LRP11: variants seen among roughly 807,000 people sequenced by gnomAD.
LRP11 encodes the protein LDL receptor related protein 11.
Under a neutral mutation model 43.1 loss-of-function variants are expected in LRP11, and 25 were observed. That is an observed-to-expected ratio of 0.58 (90% CI 0.42 to 0.81). The LOEUF is 0.81. Among genes scored for constraint, LRP11 ranks in the 30% least tolerant of loss-of-function variants. LRP11 has a pLI of 0.00. For synonymous variants in LRP11, 316 were observed against 299.4 expected (o/e 1.06, Z -0.57); for missense variants, 623 against 665.1 (o/e 0.94, Z 0.70).
At position 149,836,068 on chromosome 6, in the gene LRP11, C is replaced by A. The variant is rs770509485; in HGVS notation, c.1252+17G>T. ...GAAAACAAGGTTCTTCATTGAGAAC[C>A]CACCGTGAATCCTTACCTGGCATCA... is the stretch of plus-strand genomic sequence containing the variant. On this transcript the variant is annotated intron_variant, in intron 5 of 6. Transcript: ENST00000239367. 3.7e-6 allele frequency: 6 copies of A among 1,608,340 alleles called. No homozygotes were observed. The highest frequency in any genetic ancestry group is 5.1e-6 in the Non-Finnish European group (6 of 1,174,870).
chr6:149,829,181 G>A (rs1776376673), intron 5 of LRP11, among the ~76,000 whole-genome samples: 1 of 152,120 alleles, frequency 6.6e-6, no homozygotes, highest in African/African-American at 2.4e-5. Context: ...GAACTTCTAT[G>A]CATTCTGCTT....
intron 3 of LRP11, among the ~76,000 whole-genome samples, chr6:149,840,012 A>T (rs1029210815): frequency 9.9e-5 from 15 of 152,226 alleles, no homozygotes; most frequent in African/African-American, 3.4e-4. Context: ...GAGTTAGATC[A>T]TGTTGGAAGA....
chr6:149,846,951 A>AAGCGAG (rs1776642190), intron 2 of LRP11, among the ~76,000 whole-genome samples: 3 of 80,374 alleles, frequency 3.7e-5, no homozygotes, highest in Non-Finnish European at 5.6e-5. Flanking sequence ...AATAAAATAA[A>AAGCGAG]ATAATAGAAT....
At chr6:149,837,051 A>G (rs188495195) in intron 4 of LRP11, among the ~76,000 whole-genome samples, 16 of 152,264 alleles carry the variant, frequency 1.1e-4, no homozygotes, top group Admixed American at 7.2e-4. Context: ...CAAAGCATCA[A>G]ATCACTGCAG....
chr6:149,838,809 T>C (rs959124728), intron 3 of LRP11, among the ~76,000 whole-genome samples: 6 of 152,134 alleles, frequency 3.9e-5, no homozygotes, highest in African/African-American at 1.4e-4. Context: ...CCCTCTCCCT[T>C]GATTAAGCCA....
chr6:149,851,145 C>T (rs549202957), intron 2 of LRP11, among the ~76,000 whole-genome samples: 1 of 152,274 alleles, frequency 6.6e-6, no homozygotes, highest in East Asian at 1.9e-4. Context: ...GGTCTACCTG[C>T]CGTCACTGTT....
intron 6 of LRP11, among the ~76,000 whole-genome samples, chr6:149,824,130 T>C (rs1776310297): frequency 6.6e-6 from 1 of 152,202 alleles, no homozygotes; most frequent in South Asian, 2.1e-4. Flanking sequence ...TCATTTCTCA[T>C]GAATTGGACC....
At chr6:149,861,124 T>A (rs888991717) in intron 1 of LRP11, among the ~76,000 whole-genome samples, 9 of 152,162 alleles carry the variant, frequency 5.9e-5, no homozygotes, top group East Asian at 3.9e-4. Flanking sequence ...CCAAGGGCTC[T>A]TCTAAACCAT....
intron 2 of LRP11, among the ~76,000 whole-genome samples, chr6:149,849,431 G>A (rs116640439): frequency 0.011 from 1,669 of 152,260 alleles, 29 homozygotes; most frequent in African/African-American, 0.036. Context: ...TAGCCTCTTG[G>A]TTCTGACCAA....
intron 1 of LRP11, among the ~76,000 whole-genome samples, chr6:149,862,100 A>G (rs1776911764): frequency 6.6e-6 from 1 of 152,340 alleles, no homozygotes; most frequent in East Asian, 1.9e-4. Context: ...CCTCCACTTC[A>G]GAAGGAAAGC....
chr6:149,837,585 G>A, intron 3 of LRP11, 122 bp from the exon 4 acceptor site: 2 of 989,346 alleles, frequency 2.0e-6, no homozygotes, highest in South Asian at 3.2e-5. Context: ...CAAATAATGA[G>A]GCAAACCTAA....
chr6:149,847,806 T>C (rs1434221664), intron 2 of LRP11, among the ~76,000 whole-genome samples: 2 of 145,604 alleles, frequency 1.4e-5, no homozygotes, highest in Admixed American at 7.1e-5. Context: ...GGGCTTCTCA[T>C]ATATGTCTAA....
At chr6:149,834,883 T>C (rs550228621) in intron 5 of LRP11, among the ~76,000 whole-genome samples, 101 of 152,350 alleles carry the variant, frequency 6.6e-4, no homozygotes, top group African/African-American at 2.1e-3. Context: ...ATAACAAATA[T>C]TAAAAGCAGT....
chr6:149,821,343 T>C (rs1329344263), intron 6 of LRP11, among the ~76,000 whole-genome samples: 1 of 152,252 alleles, frequency 6.6e-6, no homozygotes, highest in Non-Finnish European at 1.5e-5. Flanking sequence ...ATAGGCATTC[T>C]GATCACGAAA....
intron 2 of LRP11, 100 bp from the exon 3 acceptor site, chr6:149,843,224 G>T (rs1030923205): frequency 2.2e-6 from 3 of 1,389,908 alleles, no homozygotes; most frequent in Non-Finnish European, 3.0e-6. Flanking sequence ...GCAGCCCCAG[G>T]ACCTGCCTCT....
chr6:149,864,152 G>A lies in LRP11; in HGVS notation c.-132C>T. On this transcript the variant is annotated 5_prime_UTR_variant, in exon 1 of 7. Coordinates refer to ENST00000239367, the MANE Select transcript of LRP11 (RefSeq NM_032832.6). ...GCTCTAGGCCCCGGCCTCACAGCGC[G>A]GCGCCCCCGAACCCGGCTGCTCCCC... 2.6e-6 allele frequency: 3 copies of A among 1,153,346 alleles called. No homozygotes were observed. The highest frequency in any genetic ancestry group is 1.6e-5 in the African/African-American group (1 of 61,508). 71.4% of individuals were successfully genotyped at this position (1,153,346 alleles called of 1,614,324 possible).
chr6:149,846,879 A>C (rs534352590), intron 2 of LRP11, among the ~76,000 whole-genome samples: 1 of 152,100 alleles, frequency 6.6e-6, no homozygotes, highest in Non-Finnish European at 1.5e-5. Context: ...GGTTGCAGTG[A>C]GCCAAGATTG....
At chr6:149,823,773 TCAAA>T (rs1776305594) in intron 6 of LRP11, among the ~76,000 whole-genome samples, 3 of 152,148 alleles carry the variant, frequency 2.0e-5, no homozygotes, top group South Asian at 2.1e-4. Context: ...CTGTTAGGTA[TCAAA>T]CAAAGTTCTG....
chr6:149,851,084 T>C (rs1776711963), intron 2 of LRP11, among the ~76,000 whole-genome samples: 2 of 152,204 alleles, frequency 1.3e-5, no homozygotes, highest in African/African-American at 4.8e-5. Flanking sequence ...TGGTAACAGA[T>C]GTTTCCCCTA....
Sources: gnomAD v4.1 joint callset for allele counts (sites outside exome capture counted in the v4.1 genomes callset) on GRCh38, gnomAD v4.1.1 for gene constraint, MANE v1.5 for transcripts, NCBI Gene and HGNC (gene_info 2026-07-23, HGNC 2026-07-21) for gene names.